Variants in GLRB observed in about 807,000 individuals in gnomAD.
GLRB encodes glycine receptor subunit beta.
In GLRB, 33 loss-of-function variants were observed where a neutral mutation model predicts 54.2. That is an observed-to-expected ratio of 0.61 (90% confidence interval 0.46 to 0.81). GLRB has a LOEUF of 0.81. Ranked by LOEUF, GLRB falls within the 40% of genes least tolerant of loss-of-function variation. GLRB has a pLI of 0.00. For synonymous variants in GLRB, 209 were observed against 208.2 expected, an observed-to-expected ratio of 1.00 and a Z score of -0.03; for missense variants, 572 against 584.6, an observed-to-expected ratio of 0.98 and a Z score of 0.22.
intron 2 of GLRB, among the ~76,000 whole-genome samples, chr4:157,118,078 G>A (rs1409572738): frequency 6.6e-6 from 1 of 151,660 alleles, no homozygotes; most frequent in African/African-American, 2.4e-5. Flanking sequence ...AAATTTGGTA[G>A]TGAGATAAAG....
chr4:157,170,272 A>C (rs1380495840), intron 9 of GLRB, among the ~76,000 whole-genome samples, 160 bp from the exon 10 acceptor site: 1 of 152,148 alleles, frequency 6.6e-6, no homozygotes, highest in African/African-American at 2.4e-5. Context: ...ATGCTCAGGC[A>C]ATCTGATGGT....
At chr4:157,131,410 T>TAA (rs1456308344) in intron 4 of GLRB, among the ~76,000 whole-genome samples, 6 of 151,808 alleles carry the variant, frequency 4.0e-5, no homozygotes, top group Admixed American at 3.3e-4. Context: ...GATACATTTG[T>TAA]TATCAAACAT....
At chr4:157,100,475 C>G (rs1734978440) in intron 2 of GLRB, among the ~76,000 whole-genome samples, 1 of 152,126 alleles carries the variant, frequency 6.6e-6, no homozygotes, top group Non-Finnish European at 1.5e-5. Flanking sequence ...AACACACTCC[C>G]CTATTACTAA....
intron 6 of GLRB, among the ~76,000 whole-genome samples, chr4:157,137,914 T>C (rs1156672680): frequency 2.0e-5 from 3 of 152,216 alleles, no homozygotes; most frequent in Non-Finnish European, 4.4e-5. Flanking sequence ...TAGTGTATGC[T>C]GTAAAATTCT....
intron 2 of GLRB, among the ~76,000 whole-genome samples, chr4:157,103,008 G>A (rs1434988628): frequency 6.6e-6 from 1 of 151,908 alleles, no homozygotes; most frequent in African/African-American, 2.4e-5. Flanking sequence ...CTACTAACTT[G>A]TGCATGGGGA....
chr4:157,160,672 T>C (rs2126620106), intron 9 of GLRB, among the ~76,000 whole-genome samples: 1 of 152,232 alleles, frequency 6.6e-6, no homozygotes, highest in East Asian at 1.9e-4. Flanking sequence ...TGAGTTCTAG[T>C]TTGATTGCAC....
At chr4:157,135,971 GAGAT>G (rs771650686) in intron 4 of GLRB, among the ~76,000 whole-genome samples, 4 of 152,120 alleles carry the variant, frequency 2.6e-5, no homozygotes, top group Non-Finnish European at 5.9e-5. Context: ...TTCACTCCAT[GAGAT>G]AGATAGGTTT....
chr4:157,122,420 AT>A, intron 4 of GLRB, 23 bp downstream of exon 4: 2 of 890,992 alleles, frequency 2.2e-6, no homozygotes, highest in Non-Finnish European at 3.7e-6. Context: ...TTAATTTAAT[AT>A]TTTGTCAAAT....
At chr4:157,140,724 T>C (rs189550513) in intron 7 of GLRB, among the ~76,000 whole-genome samples, 147 of 152,050 alleles carry the variant, frequency 9.7e-4, no homozygotes, top group African/African-American at 3.3e-3. Context: ...TTAATACCTG[T>C]GGAGTCCTAT....
At chr4:157,133,005 A>G (rs1003268891) in intron 4 of GLRB, among the ~76,000 whole-genome samples, 2 of 151,866 alleles carry the variant, frequency 1.3e-5, no homozygotes, top group Non-Finnish European at 2.9e-5. Context: ...TTTTTAGTAC[A>G]TACAAAAAAT....
intron 9 of GLRB, among the ~76,000 whole-genome samples, chr4:157,161,281 T>C (rs894304130): frequency 3.3e-5 from 5 of 152,242 alleles, no homozygotes; most frequent in African/African-American, 1.2e-4. Context: ...TGACTCTTTA[T>C]CCAATTTACC....
chr4:157,117,414 C>A (rs1321196656), intron 2 of GLRB, among the ~76,000 whole-genome samples: 1 of 151,662 alleles, frequency 6.6e-6, no homozygotes, highest in Non-Finnish European at 1.5e-5. Context: ...AAAATAACAG[C>A]TTTCTGTGTG....
At chr4:157,148,231 C>G (rs549451905) in intron 8 of GLRB, among the ~76,000 whole-genome samples, 2 of 152,266 alleles carry the variant, frequency 1.3e-5, no homozygotes, top group African/African-American at 4.8e-5. Flanking sequence ...TTCCATCTTT[C>G]ATTCCTGATA....
At chr4:157,158,988 G>T (rs1016443445) in intron 9 of GLRB, among the ~76,000 whole-genome samples, 3 of 152,082 alleles carry the variant, frequency 2.0e-5, no homozygotes, top group Non-Finnish European at 2.9e-5. Flanking sequence ...CCATTTGTTT[G>T]TGTCCTCTTT....
chr4:157,149,364 C>A (rs572976993), intron 8 of GLRB, among the ~76,000 whole-genome samples: 5 of 152,124 alleles, frequency 3.3e-5, no homozygotes, highest in East Asian at 3.9e-4. Context: ...TTGTCTTAAG[C>A]TATTTCGCCA....
chr4:157,143,483 C>T (rs1202729882), intron 7 of GLRB, among the ~76,000 whole-genome samples: 3 of 151,876 alleles, frequency 2.0e-5, no homozygotes, highest in Non-Finnish European at 4.4e-5. Flanking sequence ...TGAGAGGACC[C>T]ACGGGTAAAG....
chr4:157,125,115 A>G (rs1735970497), intron 4 of GLRB, among the ~76,000 whole-genome samples: 1 of 151,948 alleles, frequency 6.6e-6, no homozygotes, highest in South Asian at 2.1e-4. Context: ...ATAATTTGTT[A>G]TAAACAATGG....
At chr4:157,107,312 G>T (rs2126497593) in intron 2 of GLRB, among the ~76,000 whole-genome samples, 1 of 152,192 alleles carries the variant, frequency 6.6e-6, no homozygotes, top group Admixed American at 6.6e-5. Flanking sequence ...AGTTAGAAAT[G>T]ATTAAGCTTA....
intron 9 of GLRB, among the ~76,000 whole-genome samples, chr4:157,166,138 T>A: frequency 6.6e-6 from 1 of 152,028 alleles, no homozygotes. Context: ...GCATCGTTTT[T>A]TTATTCTTGA....
Sources: allele counts gnomAD v4.1 joint callset (sites outside exome capture counted in the v4.1 genomes callset), GRCh38; gene constraint gnomAD v4.1.1; transcripts MANE v1.5; gene names NCBI Gene and HGNC (gene_info 2026-07-23, HGNC 2026-07-21).